HDAC9: variants seen among roughly 807,000 people sequenced by gnomAD.
HDAC9 encodes histone deacetylase 9.
A neutral mutation model predicts 139.4 loss-of-function variants in HDAC9; 41 were observed. The ratio of observed to expected loss-of-function variants is 0.29; its 90% CI spans 0.23 to 0.38. The LOEUF (loss-of-function observed/expected upper bound fraction) is 0.38. Among genes scored for constraint, HDAC9 ranks in the 10% least tolerant of loss-of-function variants. The pLI is 1.00. For synonymous variants in HDAC9, 517 were observed against 476.2 expected (o/e 1.09, Z -1.12); for missense variants, 1,147 against 1,297.0 (o/e 0.88, Z 1.78).
At chr7:18,204,769 C>T (rs1791376921) in intron 2 of HDAC9, among the ~76,000 whole-genome samples, 1 of 151,614 alleles carries the variant, frequency 6.6e-6, no homozygotes, top group South Asian at 2.1e-4. Context: ...ATTGTTTATC[C>T]CCTGTATGTA....
intron 16 of HDAC9, among the ~76,000 whole-genome samples, chr7:18,788,787 A>G (rs1792045665): frequency 6.6e-6 from 1 of 150,684 alleles, no homozygotes; most frequent in Non-Finnish European, 1.5e-5. Flanking sequence ...AATATCAACC[A>G]AAGTGAAGGC....
At chr7:18,992,757 CCTT>C (rs1215622994) in intron 25 of HDAC9, among the ~76,000 whole-genome samples, 1 of 151,780 alleles carries the variant, frequency 6.6e-6, no homozygotes, top group African/African-American at 2.4e-5. Context: ...GTGAATTGAT[CCTT>C]CTTTAGGATA....
At chr7:18,137,922 A>G (rs1345312468) in intron 1 of HDAC9, among the ~76,000 whole-genome samples, 1 of 151,518 alleles carries the variant, frequency 6.6e-6, no homozygotes, top group Non-Finnish European at 1.5e-5. Flanking sequence ...TTGGCTGTGA[A>G]TCCATCTGGT....
At chr7:18,256,489 A>G (rs1795252447) in intron 2 of HDAC9, among the ~76,000 whole-genome samples, 1 of 152,206 alleles carries the variant, frequency 6.6e-6, no homozygotes, top group South Asian at 2.1e-4. Context: ...CTTCAGGTAA[A>G]TCATGCAGCC....
At chr7:18,757,791 CTT>C (rs1789013949) in intron 14 of HDAC9, among the ~76,000 whole-genome samples, 1 of 151,988 alleles carries the variant, frequency 6.6e-6, no homozygotes, top group Admixed American at 6.6e-5. Flanking sequence ...CACAGTATGA[CTT>C]TGTAGATCAT....
chr7:18,786,958 G>T lies in HDAC9; in HGVS notation c.2215-6387G>T, dbSNP rs149029124. On this transcript the variant is annotated intron_variant, in intron 16 of 25. Coordinates refer to ENST00000686413, the MANE Select transcript of HDAC9 (RefSeq NM_178425.4). ...TGCCAAGTGCTCAGGATTCTATGAG[G>T]TTTATAGAGAAACAGAAAATGTGCT... is the stretch of plus-strand genomic sequence containing the variant. 4.4e-3 allele frequency among the ~76,000 whole-genome samples: 661 copies of T among 151,804 alleles called. 2 individuals carry two copies. Among genetic ancestry groups the T allele is most frequent in the Middle Eastern group, 0.017 (5 of 294 alleles).
At chr7:18,724,029 C>A (rs1236209073) in intron 12 of HDAC9, among the ~76,000 whole-genome samples, 1 of 152,118 alleles carries the variant, frequency 6.6e-6, no homozygotes, top group African/African-American at 2.4e-5. Context: ...TACACACACA[C>A]AAAAATGTGC....
chr7:18,173,321 C>G (rs1348460068), intron 2 of HDAC9, among the ~76,000 whole-genome samples: 2 of 152,284 alleles, frequency 1.3e-5, no homozygotes, highest in Non-Finnish European at 2.9e-5. Context: ...CTTCCTCCAT[C>G]CCTTTATTTT....
intron 1 of HDAC9, among the ~76,000 whole-genome samples, chr7:18,342,983 C>G (rs1223536064): frequency 6.6e-6 from 1 of 151,756 alleles, no homozygotes; most frequent in African/African-American, 2.4e-5. Flanking sequence ...AGGACACTTA[C>G]ATGGTGCTCA....
At chr7:18,863,948 C>T (rs1798298047) in intron 21 of HDAC9, among the ~76,000 whole-genome samples, 1 of 152,176 alleles carries the variant, frequency 6.6e-6, no homozygotes, top group Admixed American at 6.6e-5. Context: ...GTACAAATAT[C>T]TCTTTGAGAT....
intron 13 of HDAC9, among the ~76,000 whole-genome samples, chr7:18,736,640 A>C (rs12672635): frequency 0.042 from 6,414 of 152,206 alleles, 293 homozygotes; most frequent in East Asian, 0.1. Flanking sequence ...GTTTGCCAGG[A>C]TTTTATTGAG....
chr7:18,584,913 T>C (rs2128799387), intron 2 of HDAC9, among the ~76,000 whole-genome samples: 2 of 134,242 alleles, frequency 1.5e-5, no homozygotes, highest in Middle Eastern at 3.7e-3. Flanking sequence ...TTAGGGCATC[T>C]TTTCCTCAAC....
intron 24 of HDAC9, among the ~76,000 whole-genome samples, chr7:18,959,347 T>G (rs1455382392): frequency 1.3e-5 from 2 of 152,196 alleles, no homozygotes; most frequent in Non-Finnish European, 2.9e-5. Context: ...CATAGTTTCC[T>G]TTTATTTATT....
At chr7:18,767,484 C>T (rs1337226935) in intron 16 of HDAC9, among the ~76,000 whole-genome samples, 2 of 152,182 alleles carry the variant, frequency 1.3e-5, no homozygotes, top group Non-Finnish European at 2.9e-5. Context: ...AAAGGTGCTT[C>T]AAGAGAGTTT....
chr7:18,717,934 A>G (rs925344098), intron 12 of HDAC9, among the ~76,000 whole-genome samples: 8 of 152,322 alleles, frequency 5.3e-5, no homozygotes, highest in African/African-American at 1.9e-4. Flanking sequence ...AAACTTTTTT[A>G]CTATGATTTT....
chr7:18,304,819 C>T (rs1446495810), intron 1 of HDAC9, among the ~76,000 whole-genome samples: 2 of 152,076 alleles, frequency 1.3e-5, no homozygotes, highest in Non-Finnish European at 1.5e-5. Flanking sequence ...AAGAGAAATT[C>T]TCCAGCAGAT....
intron 15 of HDAC9, among the ~76,000 whole-genome samples, chr7:18,764,761 C>G (rs1419501321): frequency 6.6e-6 from 1 of 152,004 alleles, no homozygotes; most frequent in Non-Finnish European, 1.5e-5. Context: ...TTACTACATC[C>G]CCCAGTTCCT....
In HDAC9 at chr7:18,618,726, GTATATATATATATA is replaced by G. The variant is rs71014394; in HGVS notation, c.665-10602_665-10589del. ...AAAGATATATCTAGTACAGAATTTTGTATATATATATATATATATATATATATATATATATGTAG... is the reference window on the plus strand; with the variant it reads ...AAAGATATATCTAGTACAGAATTTTGTATATATATATATATATATATGTAG... On this transcript the variant is annotated intron_variant, in intron 6 of 25. Transcript: ENST00000686413. Among the ~76,000 whole-genome samples the G allele has an allele frequency of 2.5e-3, 296 of 120,032 alleles. 3 individuals are homozygous for G. The highest frequency in any genetic ancestry group is 8.7e-3 in the East Asian group (39 of 4,492). The allele number at this position is 120,032 out of a possible 152,430, so 78.7% of individuals were successfully genotyped here.
At chr7:18,534,046 T>C (rs1586757623) in intron 2 of HDAC9, among the ~76,000 whole-genome samples, 1 of 152,226 alleles carries the variant, frequency 6.6e-6, no homozygotes, top group East Asian at 1.9e-4. Flanking sequence ...TTTTTCTGCG[T>C]GCACTTTATA....
Sources: allele counts gnomAD v4.1 joint callset (sites outside exome capture counted in the v4.1 genomes callset), GRCh38; gene constraint gnomAD v4.1.1; transcripts MANE v1.5; gene names NCBI Gene and HGNC (gene_info 2026-07-23, HGNC 2026-07-21).